CDKL2: variants seen among roughly 807,000 people sequenced by gnomAD.
CDKL2 encodes cyclin-dependent kinase-like 2.
CDKL2 carries 64 observed loss-of-function variants against 63.9 expected under a neutral mutation model. The ratio of observed to expected loss-of-function variants is 1.00; its 90% CI spans 0.82 to 1.23. The LOEUF (loss-of-function observed/expected upper bound fraction) is 1.23, where lower values mean the gene tolerates loss of function less well. Ranked by LOEUF, CDKL2 falls within the 50% of genes most tolerant of loss-of-function variation. The pLI is 0.00. For synonymous variants in CDKL2, 211 were observed against 229.2 expected, an observed-to-expected ratio of 0.92 and a Z score of 0.72; for missense variants, 656 against 668.0, an observed-to-expected ratio of 0.98 and a Z score of 0.20.
At chr4:75,618,239 CTT>C (rs56002333) in intron 2 of CDKL2, among the ~76,000 whole-genome samples, 1 of 52,946 alleles carries the variant, frequency 1.9e-5, no homozygotes, top group African/African-American at 7.8e-5. Flanking sequence ...ATTGAAAATT[CTT>C]TTTTTTTTTT....
At position 75,622,678 on chromosome 4, in the gene CDKL2, A is replaced by T. The variant is rs13148157; in HGVS notation, c.168+3143T>A. 9.6e-4 allele frequency among the ~76,000 whole-genome samples: 123 copies of T among 128,720 alleles called. 2 individuals are homozygous for T. Among genetic ancestry groups the T allele is most frequent in the African/African-American group, 3.5e-3 (117 of 33,864 alleles). 84.4% of individuals were successfully genotyped at this position (128,720 alleles called of 152,430 possible). On this transcript the variant is annotated intron_variant, in intron 2 of 13. Coordinates refer to ENST00000307465, the MANE Select transcript of CDKL2 (RefSeq NM_001330724.2). ...AGTTGCAGCGAGACGAGATTGCACCACTGTACTCCAGCCTGGGTGACAGAG... is the reference window on the plus strand; with the variant it reads ...AGTTGCAGCGAGACGAGATTGCACCTCTGTACTCCAGCCTGGGTGACAGAG...
At chr4:75,622,667 G>A (rs1301495658) in intron 2 of CDKL2, among the ~76,000 whole-genome samples, 2 of 118,836 alleles carry the variant, frequency 1.7e-5, no homozygotes, top group African/African-American at 3.2e-5. Context: ...GCAGCGAGAC[G>A]AGATTGCACC....
intron 12 of CDKL2, among the ~76,000 whole-genome samples, chr4:75,591,049 G>GA (rs985872848): frequency 2.0e-5 from 3 of 151,924 alleles, no homozygotes; most frequent in Non-Finnish European, 4.4e-5. Flanking sequence ...AGCAATGATA[G>GA]AAAAAAATGA....
intron 13 of CDKL2, 86 bp from the exon 14 acceptor site, chr4:75,579,264 C>A (rs188397356): frequency 1.3e-5 from 2 of 152,184 alleles, no homozygotes; most frequent in Admixed American, 1.3e-4. Context: ...TTTCTCACAT[C>A]GTATATATTG....
At chr4:75,604,155 G>A (rs1729323076) in intron 5 of CDKL2, among the ~76,000 whole-genome samples, 199 bp from the exon 6 acceptor site, 1 of 152,146 alleles carries the variant, frequency 6.6e-6, no homozygotes, top group South Asian at 2.1e-4. Flanking sequence ...AAAAGGACAG[G>A]TAAAAAATAT....
intron 4 of CDKL2, among the ~76,000 whole-genome samples, chr4:75,606,102 C>T (rs1465162049): frequency 6.6e-6 from 1 of 152,112 alleles, no homozygotes; most frequent in African/African-American, 2.4e-5. Flanking sequence ...CTCTAGCAAG[C>T]TTGACCAATC....
In CDKL2 at chr4:75,602,603, CCTCTGTCTCCTGGGTTCAAGTGATT is replaced by C. The variant is rs1178022359; in HGVS notation, c.795+1189_795+1213del. Among the ~76,000 whole-genome samples the C allele has an allele frequency of 3.3e-4, 51 of 152,244 alleles. 1 individual carries two copies. Among genetic ancestry groups the C allele is most frequent in the African/African-American group, 1.1e-3 (47 of 41,548 alleles). On this transcript the variant is annotated intron_variant, in intron 6 of 13. Coordinates refer to ENST00000307465, the MANE Select transcript of CDKL2 (RefSeq NM_001330724.2). Reference sequence around the variant, plus strand: ...GTGGTGCGATCTCAGCTCACTGTAACCTCTGTCTCCTGGGTTCAAGTGATTCTCCTGTCTCAGCATCCCGAGTAGC... The same window carrying C: ...GTGGTGCGATCTCAGCTCACTGTAACCTCCTGTCTCAGCATCCCGAGTAGC...
chr4:75,603,812 A>C lies in CDKL2; in HGVS notation c.795+5T>G, dbSNP rs1403567049. On this transcript the variant is annotated splice_donor_5th_base_variant and intron_variant, in intron 6 of 13. Transcript: ENST00000307465. ...TCATAAAGTGTAAACAATAAGTATG[A>C]TTACCTTTGCTAAATCTATCACCAC... is the stretch of plus-strand genomic sequence containing the variant. The C allele has an allele frequency of 6.3e-7, 1 of 1,585,114 alleles. No homozygotes were observed. Among genetic ancestry groups the C allele is most frequent in the Non-Finnish European group, 8.6e-7 (1 of 1,167,800 alleles).
chr4:75,603,960 G>A lies in CDKL2; in HGVS notation c.656-4C>T, dbSNP rs764362545. 3.1e-6 allele frequency: 5 copies of A among 1,603,398 alleles called. No homozygotes were observed. Among genetic ancestry groups the A allele is most frequent in the Non-Finnish European group, 4.2e-6 (5 of 1,176,830 alleles). On this transcript the variant is annotated splice_polypyrimidine_tract_variant and splice_region_variant and intron_variant, in intron 5 of 13. Transcript: ENST00000307465. Reference sequence around the variant, plus strand: ...TGATGCCTTGGAATTAGATTACCTGGAAGTGAAAACAGCACATATCTCTGT... The same window carrying A: ...TGATGCCTTGGAATTAGATTACCTGAAAGTGAAAACAGCACATATCTCTGT...
chr4:75,603,490 G>A (rs1729287021), intron 6 of CDKL2, among the ~76,000 whole-genome samples: 1 of 150,502 alleles, frequency 6.6e-6, no homozygotes. Flanking sequence ...CAGCACTTTG[G>A]GAGGCCGAGG....
At chr4:75,589,336 G>A (rs1281371701) in intron 12 of CDKL2, among the ~76,000 whole-genome samples, 1 of 118,980 alleles carries the variant, frequency 8.4e-6, no homozygotes, top group African/African-American at 3.3e-5. Context: ...ACGGAGTCTC[G>A]CTCTGTCGCC....
At chr4:75,618,142 G>A (rs561831777) in intron 2 of CDKL2, among the ~76,000 whole-genome samples, 7 of 146,562 alleles carry the variant, frequency 4.8e-5, no homozygotes, top group South Asian at 2.1e-4. Flanking sequence ...AGCTCCACAG[G>A]TTCTCTGTCT....
At chr4:75,587,856 A>T (rs1459876346) in intron 12 of CDKL2, among the ~76,000 whole-genome samples, 1 of 150,028 alleles carries the variant, frequency 6.7e-6, no homozygotes, top group Admixed American at 6.7e-5. Context: ...GTGAGCCGAG[A>T]TCGAGCCATT....
intron 12 of CDKL2, among the ~76,000 whole-genome samples, chr4:75,588,004 C>T (rs1728552056): frequency 6.6e-6 from 1 of 151,616 alleles, no homozygotes. Context: ...CACCTGAGGT[C>T]GGGAGTTCAA....
At chr4:75,591,755 T>G (rs2148868146) in intron 12 of CDKL2, 64 bp downstream of exon 12, 1 of 1,053,326 alleles carries the variant, frequency 9.5e-7, no homozygotes, top group East Asian at 2.6e-5. Flanking sequence ...CTCCCTAAAA[T>G]ACTTTACTAG....
At chr4:75,624,862 A>C (rs1273180865) in intron 2 of CDKL2, among the ~76,000 whole-genome samples, 1 of 152,204 alleles carries the variant, frequency 6.6e-6, no homozygotes, top group Non-Finnish European at 1.5e-5. Context: ...GTCTCAAAAA[A>C]AACCAACGAA....
chr4:75,597,123 G>T lies in CDKL2; in HGVS notation c.1134C>A (p.Leu378=). 6.2e-7 allele frequency: 1 copy of T among 1,614,116 alleles called. No individual in the cohort carries two copies. Among genetic ancestry groups the T allele is most frequent in the Non-Finnish European group, 8.5e-7 (1 of 1,180,012 alleles). ...TGTTGTGGCTTGTCCTACTGTCATG[G>T]AGACAGCTGGCATTTGAAGCTCTAT... The part of the protein sequence containing the change: ...KGNRASNASC[L]HDSRTSHNKI... The change falls in exon 9 of 14, where the codon CTC becomes CTA. Residue 378 remains leucine, a synonymous_variant. Transcript: ENST00000307465.
intron 2 of CDKL2, among the ~76,000 whole-genome samples, chr4:75,619,577 T>TAA (rs71203836): frequency 0.13 from 9,801 of 76,094 alleles, 943 homozygotes; most frequent in Non-Finnish European, 0.17. Flanking sequence ...CACAGCTGTA[T>TAA]AAAAAAAAAA....
chr4:75,580,752 G>A (rs1190174691), intron 13 of CDKL2, among the ~76,000 whole-genome samples: 2 of 146,208 alleles, frequency 1.4e-5, no homozygotes, highest in Admixed American at 1.4e-4. Flanking sequence ...CCAGGCTGGA[G>A]TGCAGTGGCG....
Sources: gnomAD v4.1 joint callset for allele counts (sites outside exome capture counted in the v4.1 genomes callset) on GRCh38, gnomAD v4.1.1 for gene constraint, MANE v1.5 for transcripts, NCBI Gene and HGNC (gene_info 2026-07-23, HGNC 2026-07-21) for gene names.